IQGAP3: variants seen among roughly 807,000 people sequenced by gnomAD.
IQGAP3 encodes the protein ras GTPase-activating-like protein IQGAP3.
IQGAP3 carries 165 observed loss-of-function variants against 208.2 expected under a neutral mutation model. That is an observed-to-expected ratio of 0.79 (90% confidence interval 0.70 to 0.90). The LOEUF (loss-of-function observed/expected upper bound fraction) is 0.90, where lower values mean the gene tolerates loss of function less well. IQGAP3 is among the 40% of genes least tolerant of loss of function. The pLI is 0.00. For missense variants in IQGAP3, 1,811 were observed against 2,043.1 expected (o/e 0.89, Z 2.19); for synonymous variants, 703 against 803.6 (o/e 0.87, Z 2.12).
At position 156,540,737 on chromosome 1, in the gene IQGAP3, G is replaced by A; in HGVS notation, c.2710C>T (p.Leu904=). The change falls in exon 23 of 38, where the codon CTG becomes TTG. Residue 904 remains leucine (L), a synonymous_variant. Transcript: ENST00000361170. ...DLNIMDIKIG[L]LVKNRITLQE... ...AGAGTGATCCGGTTCTTCACCAGCAGGCCAATCTTGATGTCCATGATGTTG... is the reference window on the plus strand; with the variant it reads ...AGAGTGATCCGGTTCTTCACCAGCAAGCCAATCTTGATGTCCATGATGTTG... 6.2e-7 allele frequency: 1 copy of A among 1,613,988 alleles called. No individual in the cohort carries two copies. The highest frequency in any genetic ancestry group is 2.2e-5 in the East Asian group (1 of 44,886).
At chr1:156,543,639 C>A (rs1311871660) in intron 22 of IQGAP3, among the ~76,000 whole-genome samples, 1 of 152,164 alleles carries the variant, frequency 6.6e-6, no homozygotes, top group Non-Finnish European at 1.5e-5. Context: ...CCTCACCAGG[C>A]CTTGTTTGTG....
intron 29 of IQGAP3, 147 bp from the exon 30 acceptor site, chr1:156,534,288 CCT>C (rs1233318853): frequency 2.3e-6 from 3 of 1,285,112 alleles, no homozygotes; most frequent in African/African-American, 2.9e-5. Context: ...TCCTGCCCTA[CCT>C]CTGTCCCAGT....
In IQGAP3 at chr1:156,526,501, C is replaced by T. The variant is rs1674065399; in HGVS notation, c.4881G>A (p.Lys1627=). The change falls in exon 38 of 38, where the codon AAG becomes AAA. Residue 1627 remains lysine (K), a synonymous_variant. Transcript: ENST00000361170. The stretch of plus-strand genomic sequence containing the variant: ...TTTGCCTCTGTCACTTCCGCAAAAA[C>T]TTCTTGTTGAGGAGGAAGATGAGAA... The part of the protein sequence containing the change: ...VNLLIFLLNK[K]FLRK The T allele has an allele frequency of 1.9e-6, 3 of 1,613,534 alleles. No individual in the cohort carries two copies. The highest frequency in any genetic ancestry group is 2.5e-6 in the Non-Finnish European group (3 of 1,179,424).
chr1:156,530,962 C>T (rs1025121858), intron 33 of IQGAP3, among the ~76,000 whole-genome samples, 198 bp downstream of exon 33: 3 of 152,200 alleles, frequency 2.0e-5, no homozygotes, highest in East Asian at 1.9e-4. Context: ...GGCCCCATGA[C>T]TCTGTAGCCC....
chr1:156,534,275 C>T, intron 29 of IQGAP3, 134 bp from the exon 30 acceptor site: 1 of 1,343,762 alleles, frequency 7.4e-7, no homozygotes, highest in Non-Finnish European at 1.0e-6. Flanking sequence ...CTTCTGCCCT[C>T]TGTCCTGCCC....
At chr1:156,539,312 G>A in intron 25 of IQGAP3, 62 bp downstream of exon 25, 2 of 1,497,538 alleles carry the variant, frequency 1.3e-6, no homozygotes, top group East Asian at 2.3e-5. Flanking sequence ...CCTTGTGAAG[G>A]AGCCAACAGG....
Position 156,560,940 on chromosome 1 carries a change from G to A in IQGAP3, c.1123C>T (p.Gln375Ter), listed in dbSNP as rs75963885. The A allele has an allele frequency of 1.9e-6, 3 of 1,611,324 alleles. No individual in the cohort carries two copies. Among genetic ancestry groups the A allele is most frequent in the South Asian group, 2.2e-5 (2 of 91,022 alleles). ...AGACCTGCAGATGACTTACTGGCTT[G>A]TTCCTGATCACCCTTTGTGTTGGCT... Reference protein sequence around the residue: ...AAANTKGDQEQAMLHAVQRIN... With the variant: ...AAANTKGDQE The change falls in exon 11 of 38, where the codon CAA becomes TAA. Residue 375 changes from glutamine to a stop codon, truncating the protein, a stop_gained. Coordinates refer to ENST00000361170, the MANE Select transcript of IQGAP3 (RefSeq NM_178229.5). LOFTEE classifies it high-confidence loss of function.
chr1:156,538,741 G>T (rs1674829008), intron 26 of IQGAP3, 68 bp downstream of exon 26: 12 of 1,358,982 alleles, frequency 8.8e-6, no homozygotes, highest in Non-Finnish European at 1.3e-5. Flanking sequence ...TCCCCAGTAG[G>T]GTCCAAGACA....
At chr1:156,532,508 C>G (rs535075724) in intron 32 of IQGAP3, among the ~76,000 whole-genome samples, 2 of 151,642 alleles carry the variant, frequency 1.3e-5, no homozygotes, top group East Asian at 3.9e-4. Flanking sequence ...GGGAAGCCAC[C>G]ATCTACCTCA....
At chr1:156,541,885 A>G (rs1675003829) in intron 22 of IQGAP3, among the ~76,000 whole-genome samples, 1 of 152,204 alleles carries the variant, frequency 6.6e-6, no homozygotes, top group Non-Finnish European at 1.5e-5. Context: ...GTGAAGAGAC[A>G]CTGCAAGGAG....
chr1:156,563,728 G>A lies in IQGAP3; in HGVS notation c.505+29C>T, dbSNP rs1163981224. 3 of 1,607,996 alleles carry A rather than the reference G, an allele frequency of 1.9e-6. No individual in the cohort carries two copies. The East Asian group carries it at 6.7e-5, about 36-fold the overall frequency. On this transcript the variant is annotated intron_variant, in intron 6 of 37. Transcript: ENST00000361170. ...GAACCCCCAAGACCCTGCCCAGGCTGTGGTGGTCAGGGAAGGAGCTGGGCT... is the reference window on the plus strand; with the variant it reads ...GAACCCCCAAGACCCTGCCCAGGCTATGGTGGTCAGGGAAGGAGCTGGGCT...
At chr1:156,539,258 G>A in intron 25 of IQGAP3, 116 bp downstream of exon 25, 5 of 1,023,190 alleles carry the variant, frequency 4.9e-6, no homozygotes, top group Non-Finnish European at 7.2e-6. Context: ...GAGAAAAGAG[G>A]TCTTCTGATT....
chr1:156,539,702 C>A, intron 24 of IQGAP3, 136 bp downstream of exon 24: 1 of 1,221,418 alleles, frequency 8.2e-7, no homozygotes, highest in East Asian at 2.4e-5. Flanking sequence ...GAGGTAGTCT[C>A]CTTTCCTGGG....
Position 156,527,122 on chromosome 1 carries a change from C to T in IQGAP3, c.4783-523G>A, listed in dbSNP as rs150375443. Among the ~76,000 whole-genome samples, 1,090 of 151,840 alleles carry T rather than the reference C, an allele frequency of 7.2e-3. 17 individuals are homozygous for T. Among genetic ancestry groups the T allele is most frequent in the African/African-American group, 0.025 (1,017 of 41,440 alleles). ...CTGGGATTACAGGCGTGAGCCACTG[C>T]ACCCGGCCAAAATCATTTTTCTTAC... On this transcript the variant is annotated intron_variant, in intron 37 of 37. Coordinates refer to ENST00000361170, the MANE Select transcript of IQGAP3 (RefSeq NM_178229.5).
At chr1:156,544,596 G>A (rs979125101) in intron 19 of IQGAP3, 124 bp from the exon 20 acceptor site, 6 of 770,868 alleles carry the variant, frequency 7.8e-6, no homozygotes, top group Non-Finnish European at 1.1e-5. Flanking sequence ...AGAGGGGGAA[G>A]GGGAAAGTGG....
intron 15 of IQGAP3, 129 bp downstream of exon 15, chr1:156,551,576 C>T: frequency 2.1e-6 from 2 of 965,142 alleles, no homozygotes; most frequent in Non-Finnish European, 3.0e-6. Flanking sequence ...CAGATTGGAA[C>T]ACCCCCCTCA....
rs766607153 is a variant in IQGAP3 at position 156,539,955 on chromosome 1, C to A, written c.2775G>T (p.Arg925Ser). 6.2e-7 allele frequency: 1 copy of A among 1,614,120 alleles called. No homozygotes were observed. Among genetic ancestry groups the A allele is most frequent in the Non-Finnish European group, 8.5e-7 (1 of 1,180,028 alleles). The change falls in exon 24 of 38, where the codon AGG becomes AGT. Residue 925 changes from arginine to serine, a missense_variant. Arg to Ser is a moderately radical substitution (Grantham distance 110, BLOSUM62 -1). Transcript: ENST00000361170. ...VVSHCKKLTK[R>S]NKEQLSDMMV... ...TCATATCTGACAGCTGTTCCTTATT[C>A]CTCTTGGTCAGCTTCTTGCAGTGGG...
intron 30 of IQGAP3, 40 bp from the exon 31 acceptor site, chr1:156,533,915 C>T: frequency 3.1e-6 from 5 of 1,603,234 alleles, no homozygotes; most frequent in Non-Finnish European, 4.3e-6. Context: ...AGGGTCTGAG[C>T]CAGGTCTTCC....
intron 13 of IQGAP3, among the ~76,000 whole-genome samples, chr1:156,553,580 CTTTTT>C (rs11316423): frequency 3.4e-5 from 3 of 88,038 alleles, no homozygotes; most frequent in Non-Finnish European, 7.5e-5. Context: ...TTCTTTCTTT[CTTTTT>C]TTTTTTTTTT....
Sources: allele counts gnomAD v4.1 joint callset (sites outside exome capture counted in the v4.1 genomes callset), GRCh38; gene constraint gnomAD v4.1.1; transcripts MANE v1.5; gene names NCBI Gene and HGNC (gene_info 2026-07-23, HGNC 2026-07-21).